Variants in KAT6A observed in about 807,000 individuals in gnomAD.
The protein encoded by KAT6A is histone acetyltransferase KAT6A.
In KAT6A, 9 loss-of-function variants were observed where a neutral mutation model predicts 198.4. The ratio of observed to expected loss-of-function variants is 0.05; its 90% CI spans 0.03 to 0.08. The LOEUF (loss-of-function observed/expected upper bound fraction) is 0.08. Among genes scored for constraint, KAT6A ranks in the 10% least tolerant of loss-of-function variants. The pLI is 1.00. For missense variants in KAT6A, 2,077 were observed against 2,509.9 expected, an observed-to-expected ratio of 0.83 and a Z score of 3.69; for synonymous variants, 890 against 883.0, an observed-to-expected ratio of 1.01 and a Z score of -0.14.
chr8:42,034,412 C>T (rs754527165), intron 2 of KAT6A, among the ~76,000 whole-genome samples: 54 of 152,126 alleles, frequency 3.5e-4, no homozygotes, highest in South Asian at 1.2e-3. Flanking sequence ...ACACAGAGGG[C>T]ATTATGAAGA....
At chr8:42,009,661 G>C (rs964733821) in intron 2 of KAT6A, among the ~76,000 whole-genome samples, 1 of 151,770 alleles carries the variant, frequency 6.6e-6, no homozygotes, top group Non-Finnish European at 1.5e-5. Context: ...CATTTGGGGA[G>C]GCTGAGGTGG....
In KAT6A at chr8:41,932,087, T is replaced by C; in HGVS notation, c.*118A>G. ...AAAATAAAATAAACCAAAGAAAAAT[T>C]CCTCTAAATCTACAGCAATATTTTA... is the stretch of plus-strand genomic sequence containing the variant. On this transcript the variant is annotated 3_prime_UTR_variant, in exon 17 of 17. Coordinates refer to ENST00000265713, the MANE Select transcript of KAT6A (RefSeq NM_006766.5). 1 of 980,614 alleles carries C rather than the reference T, an allele frequency of 1.0e-6. No individual in the cohort carries two copies. Among genetic ancestry groups the C allele is most frequent in the East Asian group, 3.1e-5 (1 of 32,046 alleles). 60.7% of individuals were successfully genotyped at this position (980,614 alleles called of 1,614,324 possible).
chr8:41,982,168 C>A (rs1297982580), intron 3 of KAT6A, among the ~76,000 whole-genome samples: 1 of 151,960 alleles, frequency 6.6e-6, no homozygotes, highest in Non-Finnish European at 1.5e-5. Flanking sequence ...AGGACCCCTC[C>A]CCACAATTTG....
chr8:41,964,706 T>C (rs981415250), intron 8 of KAT6A, among the ~76,000 whole-genome samples: 2 of 151,846 alleles, frequency 1.3e-5, no homozygotes, highest in Admixed American at 1.3e-4. Context: ...TCAACCTGTA[T>C]ATACTATGTT....
chr8:41,966,175 C>T (rs1326420448), intron 8 of KAT6A, among the ~76,000 whole-genome samples: 1 of 151,994 alleles, frequency 6.6e-6, no homozygotes, highest in African/African-American at 2.4e-5. Context: ...TAAATGTGAG[C>T]TTCTGCTTGC....
Position 41,933,201 on chromosome 8 carries a change from T to A in KAT6A, c.5019A>T (p.Pro1673=). 3 of 1,578,528 alleles carry A rather than the reference T, an allele frequency of 1.9e-6. No individual in the cohort carries two copies. Among genetic ancestry groups the A allele is most frequent in the Non-Finnish European group, 2.6e-6 (3 of 1,165,960 alleles). The change falls in exon 17 of 17, where the codon CCA becomes CCT. Residue 1673 remains proline (P), a synonymous_variant. Coordinates refer to ENST00000265713, the MANE Select transcript of KAT6A (RefSeq NM_006766.5). This position sits in a 1 kb window ranked among gnomAD's most constrained non-coding sequence, Gnocchi z 6.2. ...PPQPQPAPQP[P]PPQQQPQQQP... ...GCTGTTGCGGCTGCTGCTGGGGTGG[T>A]GGAGGCTGTGGTGCTGGTTGTGGTT...
chr8:41,972,478 A>ACTTG (rs1666355683), intron 8 of KAT6A, among the ~76,000 whole-genome samples: 1 of 152,196 alleles, frequency 6.6e-6, no homozygotes, highest in Non-Finnish European at 1.5e-5. Flanking sequence ...TGTTAGCAGC[A>ACTTG]CTTGTGATGA....
intron 2 of KAT6A, among the ~76,000 whole-genome samples, chr8:41,991,475 A>C (rs1206280299): frequency 6.6e-6 from 1 of 152,222 alleles, no homozygotes; most frequent in Non-Finnish European, 1.5e-5. Flanking sequence ...AGGAAACAGT[A>C]GTGAATTGTA....
At chr8:42,019,915 T>A (rs1826447898) in intron 2 of KAT6A, among the ~76,000 whole-genome samples, 1 of 152,132 alleles carries the variant, frequency 6.6e-6, no homozygotes, top group Admixed American at 6.6e-5. Context: ...TTTCCTCCAA[T>A]GATATACAAG....
intron 8 of KAT6A, among the ~76,000 whole-genome samples, chr8:41,963,885 C>G (rs1398175976): frequency 6.6e-6 from 1 of 152,104 alleles, no homozygotes; most frequent in African/African-American, 2.4e-5. Flanking sequence ...CTGCACACAG[C>G]TCCGAGAATA....
At chr8:42,003,445 C>CTT (rs35594171) in intron 2 of KAT6A, among the ~76,000 whole-genome samples, 1 of 142,902 alleles carries the variant, frequency 7.0e-6, no homozygotes, top group Non-Finnish European at 1.5e-5. Context: ...ATTCAAACCT[C>CTT]TTTTTTTTTT....
At chr8:41,975,117 G>A (rs1348753087) in intron 7 of KAT6A, among the ~76,000 whole-genome samples, 2 of 151,982 alleles carry the variant, frequency 1.3e-5, no homozygotes, top group African/African-American at 2.4e-5. Flanking sequence ...ATGATATAAG[G>A]AATATAAATT....
rs1172070021 is a variant in KAT6A, at chr8:41,980,871, A to C, written c.882T>G (p.Asp294Glu). 1 of 1,613,364 alleles carries C rather than the reference A, an allele frequency of 6.2e-7. No homozygotes were observed. Among genetic ancestry groups the C allele is most frequent in the Non-Finnish European group, 8.5e-7 (1 of 1,179,510 alleles). The change falls in exon 5 of 17, where the codon GAT (aspartate) becomes GAG (glutamate). Residue 294 changes from aspartate (D) to glutamate (E), a missense_variant. Transcript: ENST00000265713. Reference sequence around the variant, plus strand: ...CTTTTGGCATACGGGTGAGTGGCGGATCACAACACTCCATGTGAAAACCTC... The same window carrying C: ...CTTTTGGCATACGGGTGAGTGGCGGCTCACAACACTCCATGTGAAAACCTC... The part of the protein sequence containing the change: ...CDRGFHMECC[D>E]PPLTRMPKGM...
intron 2 of KAT6A, among the ~76,000 whole-genome samples, chr8:42,025,356 T>C (rs1338425769): frequency 7.3e-6 from 1 of 136,708 alleles, no homozygotes; most frequent in African/African-American, 3.0e-5. Context: ...GGATTACAGG[T>C]GCCCACCACC....
chr8:42,002,580 G>T (rs1214994690), intron 2 of KAT6A, among the ~76,000 whole-genome samples: 1 of 151,894 alleles, frequency 6.6e-6, no homozygotes, highest in Non-Finnish European at 1.5e-5. Context: ...AACAAAAACA[G>T]AACGAAACAA....
intron 9 of KAT6A, among the ~76,000 whole-genome samples, chr8:41,954,032 C>T (rs1199578031): frequency 6.6e-6 from 1 of 152,094 alleles, no homozygotes. Flanking sequence ...GCTAACTGAT[C>T]CCACAGTAAA....
rs577631683 is a variant in KAT6A at position 41,970,990 on chromosome 8, G to A, written c.1482+3714C>T. On this transcript the variant is annotated intron_variant, in intron 8 of 16. Transcript: ENST00000265713. ...TGTAAGGACAAAAAAACCAAACACC[G>A]CATGTTCTCACTCATAGGTGGGAAC... Among the ~76,000 whole-genome samples, 20 of 151,964 alleles carry A rather than the reference G, an allele frequency of 1.3e-4. No homozygotes were observed. The East Asian group carries it at 2.5e-3, about 19-fold the overall frequency.
At position 41,932,191 on chromosome 8, in the gene KAT6A, C is replaced by T. The variant is rs750678051; in HGVS notation, c.*14G>A. ...TTATATATATTTAAGTTTTTGATTG[C>T]AAGTTCATCTTGCTCATCTTCTCAT... On this transcript the variant is annotated 3_prime_UTR_variant, in exon 17 of 17. Transcript: ENST00000265713. 5.2e-6 allele frequency: 8 copies of T among 1,526,344 alleles called. No individual in the cohort carries two copies. The highest frequency in any genetic ancestry group is 1.9e-4 in the Middle Eastern group (1 of 5,298). The allele number at this position is 1,526,344 out of a possible 1,614,324, so 94.6% of individuals were successfully genotyped here.
At chr8:41,951,432 A>G (rs1036915458) in intron 9 of KAT6A, among the ~76,000 whole-genome samples, 3 of 152,256 alleles carry the variant, frequency 2.0e-5, no homozygotes, top group African/African-American at 7.2e-5. Context: ...AAGATCTATC[A>G]TATAGAAAGA....
Sources: gnomAD v4.1 joint callset for allele counts (sites outside exome capture counted in the v4.1 genomes callset) on GRCh38, gnomAD v4.1.1 for gene constraint, Gnocchi (gnomAD v3.1) non-coding constraint, MANE v1.5 for transcripts, NCBI Gene and HGNC (gene_info 2026-07-23, HGNC 2026-07-21) for gene names.